ZBTB46: variants seen among roughly 807,000 people sequenced by gnomAD.
The protein encoded by ZBTB46 is zinc finger and BTB domain containing 46, also known as zinc finger and BTB domain-containing protein 46.
ZBTB46 carries 8 observed loss-of-function variants against 44.1 expected under a neutral mutation model. The ratio of observed to expected loss-of-function variants is 0.18; its 90% CI spans 0.11 to 0.33. The LOEUF (loss-of-function observed/expected upper bound fraction) is 0.33, where lower values mean the gene tolerates loss of function less well. ZBTB46 is among the 10% of genes least tolerant of loss of function. The pLI, the probability that ZBTB46 is intolerant of heterozygous loss-of-function variation, is 1.00. For missense variants in ZBTB46, 651 were observed against 847.7 expected (o/e 0.77, Z 2.88); for synonymous variants, 409 against 382.3 (o/e 1.07, Z -0.81).
At chr20:63,818,039 A>G (rs2092770018) in intron 1 of ZBTB46, among the ~76,000 whole-genome samples, 1 of 152,208 alleles carries the variant, frequency 6.6e-6, no homozygotes, top group African/African-American at 2.4e-5. Flanking sequence ...AAGCTCACCT[A>G]CAGAGACTGC....
intron 3 of ZBTB46, among the ~76,000 whole-genome samples, chr20:63,773,050 C>T (rs1228512801): frequency 6.6e-6 from 1 of 152,156 alleles, no homozygotes; most frequent in East Asian, 1.9e-4. Context: ...CACCACAGGG[C>T]CCACAGCTCG....
rs888382648 is a variant in ZBTB46, at chr20:63,752,966, T to A, written c.1223-105A>T. ...GCAGCCCAGCAGCCAGGACGGGCTG[T>A]CTCCCACGGCCACCCACTGGGGGCT... On this transcript the variant is annotated intron_variant, in intron 3 of 4. Coordinates refer to ENST00000245663, the MANE Select transcript of ZBTB46 (RefSeq NM_001369741.1). This position sits in a 1 kb window ranked among gnomAD's most constrained non-coding sequence, Gnocchi z 5.6. 320 of 1,297,420 alleles carry A rather than the reference T, an allele frequency of 2.5e-4. 1 individual carries two copies. The highest frequency in any genetic ancestry group is 1.2e-3 in the East Asian group (47 of 39,590). 80.4% of individuals were successfully genotyped at this position (1,297,420 alleles called of 1,614,324 possible).
chr20:63,811,125 C>CG (rs2092715402), intron 1 of ZBTB46, among the ~76,000 whole-genome samples: 1 of 152,030 alleles, frequency 6.6e-6, no homozygotes. Context: ...AGCCCCACCC[C>CG]GCCCAGCCCA....
intron 3 of ZBTB46, among the ~76,000 whole-genome samples, chr20:63,757,650 C>T (rs2092233013): frequency 6.6e-6 from 1 of 152,286 alleles, no homozygotes; most frequent in South Asian, 2.1e-4. Flanking sequence ...CCAAGATCAC[C>T]TTAGCCATGT....
intron 3 of ZBTB46, among the ~76,000 whole-genome samples, chr20:63,773,101 CCT>C (rs2092390899): frequency 6.6e-6 from 1 of 152,172 alleles, no homozygotes; most frequent in Non-Finnish European, 1.5e-5. Context: ...CAAGCCGTGC[CCT>C]CCGACCCCAT....
upstream of ZBTB46, among the ~76,000 whole-genome samples, chr20:63,832,044 G>A (rs1398606929): frequency 6.6e-6 from 1 of 151,874 alleles, no homozygotes; most frequent in East Asian, 2.0e-4. The surrounding 1 kb of genome is among the most constrained non-coding windows in gnomAD (Gnocchi z 5.0). Context: ...CTGACTAGGG[G>A]CACCGGCGGC....
chr20:63,815,848 GA>G (rs2092750194), intron 1 of ZBTB46, among the ~76,000 whole-genome samples: 1 of 102,952 alleles, frequency 9.7e-6, no homozygotes, highest in African/African-American at 4.5e-5. Context: ...CAGGTGCAGT[GA>G]GTGCAGGTGC....
intron 1 of ZBTB46, among the ~76,000 whole-genome samples, chr20:63,793,703 G>T (rs1414699349): frequency 6.6e-6 from 1 of 152,056 alleles, no homozygotes; most frequent in Admixed American, 6.6e-5. Flanking sequence ...ACACCTCCAC[G>T]TAAGATTTTA....
At position 63,775,958 on chromosome 20, in the gene ZBTB46, C is replaced by T. The variant is rs1275625209; in HGVS notation, c.942G>A (p.Ala314=). Residue 314 remains alanine, a synonymous_variant, in exon 3 of 5, where the codon GCG becomes GCA. Transcript: ENST00000245663. ...TGCTGGCTTCGGTGACGGACAGGTC[C>T]GCATCTGGGGACAGAGGGACACACG... is the stretch of plus-strand genomic sequence containing the variant. ...GWPFSSRDSN[A]DLSVTEASSS... is the part of the protein sequence containing the mutation. The T allele has an allele frequency of 1.9e-5, 30 of 1,559,542 alleles. No individual in the cohort carries two copies. The highest frequency in any genetic ancestry group is 9.4e-5 in the South Asian group (8 of 85,318).
intron 2 of ZBTB46, 61 bp from the exon 3 acceptor site, chr20:63,776,023 C>A (rs1004420461): frequency 2.0e-6 from 3 of 1,486,646 alleles, no homozygotes; most frequent in African/African-American, 1.4e-5. Flanking sequence ...CCAAGTGGGA[C>A]AGGCGACACA....
rs1004785710 is a variant in ZBTB46 at position 63,770,072 on chromosome 20, A to AG, written c.1222+5605dup. Among the ~76,000 whole-genome samples, 7 of 152,318 alleles carry AG rather than the reference A, an allele frequency of 4.6e-5. No homozygotes were observed. In the East Asian group the frequency reaches 9.7e-4, roughly 21 times the overall value. Reference sequence around the variant, plus strand: ...GAATCCTTGACTCTTTAAAAGAGTGAGGGGGGTTACACCAGCAACGCTCCA... The same window carrying AG: ...GAATCCTTGACTCTTTAAAAGAGTGAGGGGGGGTTACACCAGCAACGCTCCA... On this transcript the variant is annotated intron_variant, in intron 3 of 4. Transcript: ENST00000245663.
At chr20:63,790,967 G>A in intron 1 of ZBTB46, 177 bp from the exon 2 acceptor site, 2 of 876,356 alleles carry the variant, frequency 2.3e-6, no homozygotes, top group South Asian at 3.9e-5. Flanking sequence ...CTGAAGCAGG[G>A]CAGCAAACAC....
intron 3 of ZBTB46, among the ~76,000 whole-genome samples, chr20:63,762,821 C>T (rs972841458): frequency 6.6e-6 from 1 of 152,150 alleles, no homozygotes; most frequent in Non-Finnish European, 1.5e-5. Flanking sequence ...GCTATACTGA[C>T]TTTCTTTTTG....
intron 2 of ZBTB46, among the ~76,000 whole-genome samples, chr20:63,778,665 C>A (rs992399163): frequency 6.6e-6 from 1 of 152,212 alleles, no homozygotes; most frequent in African/African-American, 2.4e-5. Flanking sequence ...GACCGTCGAG[C>A]TACCTATGAC....
chr20:63,802,498 C>T (rs1335634933), intron 1 of ZBTB46, among the ~76,000 whole-genome samples: 5 of 152,054 alleles, frequency 3.3e-5, no homozygotes, highest in African/African-American at 1.2e-4. Context: ...AATTTGGACA[C>T]AGGTCGGCAC....
At chr20:63,814,746 T>A (rs946970559) in intron 1 of ZBTB46, 1 of 152,388 alleles carries the variant, frequency 6.6e-6, no homozygotes, top group African/African-American at 2.4e-5. Flanking sequence ...ATACTCACCC[T>A]ACTTCGGAAT....
chr20:63,802,295 C>T (rs1368958638), intron 1 of ZBTB46, among the ~76,000 whole-genome samples: 1 of 151,916 alleles, frequency 6.6e-6, no homozygotes, highest in Admixed American at 6.6e-5. Context: ...TGGTGGCGCA[C>T]GTCTGTAATC....
chr20:63,816,868 G>T (rs959529487), intron 1 of ZBTB46, among the ~76,000 whole-genome samples: 3 of 152,184 alleles, frequency 2.0e-5, no homozygotes, highest in Non-Finnish European at 2.9e-5. Flanking sequence ...ACTTTGGAAG[G>T]CTGAGGCGGG....
intron 1 of ZBTB46, chr20:63,814,741 C>CACCCT (rs1184502010): frequency 6.6e-6 from 1 of 152,388 alleles, no homozygotes; most frequent in Non-Finnish European, 1.5e-5. Context: ...GCTCGATACT[C>CACCCT]ACCCTACTTC....
Sources: allele counts gnomAD v4.1 joint callset (sites outside exome capture counted in the v4.1 genomes callset), GRCh38; gene constraint gnomAD v4.1.1; non-coding constraint Gnocchi (gnomAD v3.1); transcripts MANE v1.5; gene names NCBI Gene and HGNC (gene_info 2026-07-23, HGNC 2026-07-21).